C12orf42: variants seen among roughly 807,000 people sequenced by gnomAD.
C12orf42 encodes the protein uncharacterized protein C12orf42.
In C12orf42, 25 loss-of-function variants were observed where a neutral mutation model predicts 21.6. That is an observed-to-expected ratio of 1.16 (90% confidence interval 0.84 to 1.62). The LOEUF is 1.62. C12orf42 is among the 40% of genes most tolerant of loss of function. C12orf42 has a pLI of 0.00. For missense variants in C12orf42, 483 were observed against 459.3 expected (o/e 1.05, Z -0.47); for synonymous variants, 174 against 175.0 (o/e 0.99, Z 0.05).
intron 2 of C12orf42, among the ~76,000 whole-genome samples, chr12:103,432,481 T>C (rs1448514893): frequency 6.6e-6 from 1 of 152,202 alleles, no homozygotes; most frequent in East Asian, 1.9e-4. Context: ...AAACACTTTC[T>C]AGAACCTTAC....
At chr12:103,438,599 C>A (rs901756407) in intron 2 of C12orf42, among the ~76,000 whole-genome samples, 5 of 151,872 alleles carry the variant, frequency 3.3e-5, no homozygotes, top group African/African-American at 1.2e-4. Flanking sequence ...CACAAGCATT[C>A]TTATACACCA....
the C12orf42 span, among the ~76,000 whole-genome samples, chr12:103,094,830 T>C: frequency 1.3e-5 from 2 of 152,230 alleles, no homozygotes; most frequent in Non-Finnish European, 2.9e-5. Flanking sequence ...GCTGTTAATG[T>C]GTTCTGAAGT....
At chr12:103,155,843 A>G in the C12orf42 span, among the ~76,000 whole-genome samples, 1 of 150,886 alleles carries the variant, frequency 6.6e-6, no homozygotes, top group South Asian at 2.1e-4. Flanking sequence ...ATATATACAT[A>G]TATACATATA....
chr12:103,167,876 G>T, the C12orf42 span, among the ~76,000 whole-genome samples: 1 of 120,678 alleles, frequency 8.3e-6, no homozygotes, highest in South Asian at 3.0e-4. Flanking sequence ...TCTGAGGGGT[G>T]GGCGTGTGTG....
chr12:103,226,668 A>C, the C12orf42 span, among the ~76,000 whole-genome samples: 1 of 152,152 alleles, frequency 6.6e-6, no homozygotes, highest in Non-Finnish European at 1.5e-5. Context: ...AGTGATAAAA[A>C]GATTATAGGG....
intron 10 of C12orf42, among the ~76,000 whole-genome samples, chr12:103,255,588 A>T (rs2136206852): frequency 6.6e-6 from 1 of 152,122 alleles, no homozygotes; most frequent in African/African-American, 2.4e-5. Context: ...TAATAATACT[A>T]TTTCTTTTTC....
rs141659177 is a variant in C12orf42 at position 103,262,423 on chromosome 12, C to A, written c.*1366+903G>T. ...AAGGTACATTGCATACGGTTTAATTCCAGTTTTGTAAATTGAAATCGGATG... is the reference window on the plus strand; with the variant it reads ...AAGGTACATTGCATACGGTTTAATTACAGTTTTGTAAATTGAAATCGGATG... On this transcript the variant is annotated intron_variant and NMD_transcript_variant, in intron 10 of 10. Transcript: ENST00000547347. 14 of 152,224 alleles carry A rather than the reference C, an allele frequency of 9.2e-5. 1 individual carries two copies. In the East Asian group the frequency reaches 2.7e-3, roughly 29 times the overall value. 9.4% of individuals were successfully genotyped at this position (152,224 alleles called of 1,614,324 possible).
the C12orf42 span, among the ~76,000 whole-genome samples, chr12:103,118,772 T>TAAAAAAAA: frequency 7.2e-5 from 3 of 41,640 alleles, no homozygotes; most frequent in African/African-American, 9.2e-5. Context: ...CACTCCAGCC[T>TAAAAAAAA]AAAAAAAAAA....
chr12:103,464,655 A>T (rs958762181), intron 2 of C12orf42, among the ~76,000 whole-genome samples: 3 of 152,052 alleles, frequency 2.0e-5, no homozygotes, highest in African/African-American at 7.2e-5. Context: ...CTATGTCCTG[A>T]ATGGTATTGC....
downstream of C12orf42, among the ~76,000 whole-genome samples, chr12:103,301,784 G>A (rs1806312252): frequency 6.6e-6 from 1 of 152,060 alleles, no homozygotes; most frequent in Non-Finnish European, 1.5e-5. Context: ...GTTTACCTGC[G>A]AAAGCAAAAC....
the C12orf42 span, among the ~76,000 whole-genome samples, chr12:103,115,925 G>A: frequency 1.4e-4 from 22 of 152,284 alleles, no homozygotes; most frequent in East Asian, 3.7e-3. Context: ...TGGACTTGGC[G>A]TTTGGGTTAT....
At chr12:103,532,340 T>C in the C12orf42 span, among the ~76,000 whole-genome samples, 1 of 152,210 alleles carries the variant, frequency 6.6e-6, no homozygotes, top group Non-Finnish European at 1.5e-5. Flanking sequence ...AGAAACACTC[T>C]AGATACCAAA....
the C12orf42 span, among the ~76,000 whole-genome samples, chr12:103,191,377 ATGG>A: frequency 6.6e-6 from 1 of 151,858 alleles, no homozygotes. Flanking sequence ...TAATACTGTA[ATGG>A]TGGTGCATGA....
At chr12:103,343,419 T>C (rs940638506) in intron 4 of C12orf42, among the ~76,000 whole-genome samples, 1 of 152,056 alleles carries the variant, frequency 6.6e-6, no homozygotes, top group Non-Finnish European at 1.5e-5. Context: ...ATAGAAGTCA[T>C]TATGTAGTTG....
At chr12:103,130,376 CT>C in the C12orf42 span, among the ~76,000 whole-genome samples, 4 of 150,606 alleles carry the variant, frequency 2.7e-5, no homozygotes, top group African/African-American at 9.8e-5. Flanking sequence ...GAGGCTTTAT[CT>C]TTAATCATCA....
intron 2 of C12orf42, among the ~76,000 whole-genome samples, chr12:103,423,458 T>A (rs1337961546): frequency 1.3e-5 from 2 of 152,204 alleles, no homozygotes; most frequent in South Asian, 4.1e-4. Context: ...GGGGCTTGAA[T>A]CATGAATCTT....
downstream of C12orf42, chr12:103,237,493 G>C (rs2033507519): frequency 6.6e-6 from 1 of 152,140 alleles, no homozygotes; most frequent in Non-Finnish European, 1.5e-5. Context: ...GAATGTATGG[G>C]GTAGTTCAGA....
At chr12:103,238,493 A>G (rs2136158673) in intron 10 of C12orf42, among the ~76,000 whole-genome samples, 1 of 152,296 alleles carries the variant, frequency 6.6e-6, no homozygotes, top group Non-Finnish European at 1.5e-5. Context: ...AATGCACACT[A>G]GAGTTTGGGC....
chr12:103,417,063 A>G (rs1416106974), intron 2 of C12orf42, among the ~76,000 whole-genome samples: 2 of 152,042 alleles, frequency 1.3e-5, no homozygotes, highest in African/African-American at 4.8e-5. Flanking sequence ...CAGTCCAGGA[A>G]GAGTTTGTTT....
Sources: gnomAD v4.1 joint callset for allele counts (sites outside exome capture counted in the v4.1 genomes callset) on GRCh38, gnomAD v4.1.1 for gene constraint, MANE v1.5 for transcripts, NCBI Gene and HGNC (gene_info 2026-07-23, HGNC 2026-07-21) for gene names.